The following GRID1 variants were observed in gnomAD, a reference collection of about 807,000 sequenced individuals.
GRID1 encodes glutamate receptor ionotropic, delta-1.
GRID1 carries 28 observed loss-of-function variants against 98.0 expected under a neutral mutation model. That is an observed-to-expected ratio of 0.29 (90% confidence interval 0.21 to 0.39). GRID1 has a LOEUF of 0.39. Among genes scored for constraint, GRID1 ranks in the 10% least tolerant of loss-of-function variants. The pLI is 1.00. For synonymous variants in GRID1, 553 were observed against 538.5 expected (o/e 1.03, Z -0.37); for missense variants, 1,111 against 1,340.5 (o/e 0.83, Z 2.67).
At position 86,284,895 on chromosome 10, in the gene GRID1, C is replaced by A. The variant is rs566953635; in HGVS notation, c.236-78247G>T. 2.0e-5 allele frequency among the ~76,000 whole-genome samples: 3 copies of A among 152,294 alleles called. No individual in the cohort carries two copies. In the South Asian group the frequency reaches 6.2e-4, roughly 32 times the overall value. On this transcript the variant is annotated intron_variant, in intron 2 of 15. Coordinates refer to ENST00000327946, the MANE Select transcript of GRID1 (RefSeq NM_017551.3). The stretch of plus-strand genomic sequence containing the variant: ...CTGTGGCCACTCAGGTCTGGCTCTA[C>A]CCTGGTCTGCAGAGTGGTTCAGGAC...
intron 12 of GRID1, among the ~76,000 whole-genome samples, chr10:85,673,707 A>T (rs1045452280): frequency 1.6e-4 from 25 of 152,268 alleles, no homozygotes; most frequent in African/African-American, 4.6e-4. Flanking sequence ...AGACTACAGT[A>T]TAATATAAAC....
chr10:85,705,488 T>C (rs4597016), intron 12 of GRID1, among the ~76,000 whole-genome samples: 78,095 of 151,856 alleles, frequency 0.51, 20,500 homozygotes, highest in Middle Eastern at 0.61. Flanking sequence ...CCAAAAAAAG[T>C]CCAGGACCAG....
In GRID1 at chr10:85,728,015, C is replaced by T. The variant is rs1185313307; in HGVS notation, c.1373G>A (p.Gly458Glu). 5.0e-6 allele frequency: 8 copies of T among 1,613,764 alleles called. No individual in the cohort carries two copies. The highest frequency in any genetic ancestry group is 6.8e-6 in the Non-Finnish European group (8 of 1,179,746). ...GAACCCTTTGTAGCGCTTGGGCTGT[C>T]CTAGGATGTTCTCAGCCACCATCAC... ...PFVMVAENIL[G>E]QPKRYKGFSI... The change falls in exon 10 of 16, where the codon GGA becomes GAA. Residue 458 changes from glycine (G) to glutamate (E), a missense_variant. Gly to Glu is a moderately conservative substitution (Grantham distance 98). This residue lies in a region of GRID1 where 762 missense variants were observed against 869.1 expected (regional missense o/e 0.88). Transcript: ENST00000327946.
Position 85,728,021 on chromosome 10 carries a change from A to G in GRID1, c.1367T>C (p.Ile456Thr). 6.2e-7 allele frequency: 1 copy of G among 1,613,668 alleles called. No homozygotes were observed. The highest frequency in any genetic ancestry group is 8.5e-7 in the Non-Finnish European group (1 of 1,179,650). ...TTTGTAGCGCTTGGGCTGTCCTAGG[A>G]TGTTCTCAGCCACCATCACGAAAGG... ...EEPFVMVAEN[I>T]LGQPKRYKGF... The change falls in exon 10 of 16, where the codon ATC (isoleucine) becomes ACC (threonine). Residue 456 changes from isoleucine to threonine, a missense_variant. This residue lies in a region of GRID1 where 762 missense variants were observed against 869.1 expected (regional missense o/e 0.88). Transcript: ENST00000327946.
At chr10:86,044,861 G>A (rs946137220) in intron 4 of GRID1, among the ~76,000 whole-genome samples, 48 of 152,272 alleles carry the variant, frequency 3.2e-4, no homozygotes, top group African/African-American at 6.5e-4. Context: ...GTAGACTGCC[G>A]AACTGGATGC....
At chr10:86,054,245 C>T (rs900258130) in intron 4 of GRID1, among the ~76,000 whole-genome samples, 10 of 145,708 alleles carry the variant, frequency 6.9e-5, no homozygotes, top group East Asian at 4.5e-4. Flanking sequence ...TCTGTCTACT[C>T]GAGTTGGGGC....
At chr10:86,196,574 C>T (rs533291728) in intron 3 of GRID1, among the ~76,000 whole-genome samples, 1 of 152,258 alleles carries the variant, frequency 6.6e-6, no homozygotes, top group Non-Finnish European at 1.5e-5. Context: ...AGTCTTCCAA[C>T]ACAAGCCAGG....
At chr10:86,300,676 T>C (rs60300201) in intron 2 of GRID1, among the ~76,000 whole-genome samples, 11,125 of 152,140 alleles carry the variant, frequency 0.073, 1,129 homozygotes, top group African/African-American at 0.24. Context: ...TAGGTCCACC[T>C]GAGCTATCCA....
intron 2 of GRID1, among the ~76,000 whole-genome samples, chr10:86,312,757 C>T (rs1285012258): frequency 6.6e-6 from 1 of 152,226 alleles, no homozygotes; most frequent in Non-Finnish European, 1.5e-5. Flanking sequence ...CCAGGGGATG[C>T]CATCCACATA....
chr10:86,096,851 C>T (rs1844227787), intron 4 of GRID1, among the ~76,000 whole-genome samples: 1 of 152,326 alleles, frequency 6.6e-6, no homozygotes, highest in South Asian at 2.1e-4. Flanking sequence ...GTATGTGGTA[C>T]TGTTTCTTCC....
intron 2 of GRID1, among the ~76,000 whole-genome samples, chr10:86,212,703 A>C (rs1846124011): frequency 6.6e-6 from 1 of 152,242 alleles, no homozygotes; most frequent in Non-Finnish European, 1.5e-5. Context: ...TCTTCCTTTA[A>C]ATGGGAAACA....
intron 8 of GRID1, among the ~76,000 whole-genome samples, chr10:85,827,719 A>T (rs1329036371): frequency 6.6e-6 from 1 of 152,196 alleles, no homozygotes; most frequent in Non-Finnish European, 1.5e-5. Flanking sequence ...CATAAATGGT[A>T]AGGGGTTCGA....
At chr10:86,036,671 TGA>T (rs767221484) in intron 4 of GRID1, among the ~76,000 whole-genome samples, 1 of 152,268 alleles carries the variant, frequency 6.6e-6, no homozygotes, top group African/African-American at 2.4e-5. Context: ...TGCAGCACGG[TGA>T]GAGTGTCCAC....
chr10:85,726,579 A>G (rs1206716221), intron 10 of GRID1, among the ~76,000 whole-genome samples: 1 of 152,182 alleles, frequency 6.6e-6, no homozygotes, highest in African/African-American at 2.4e-5. Flanking sequence ...CTGGCCACCC[A>G]TAGAGGACGC....
intron 4 of GRID1, among the ~76,000 whole-genome samples, chr10:86,032,580 T>C (rs1348280708): frequency 6.6e-6 from 1 of 152,148 alleles, no homozygotes; most frequent in African/African-American, 2.4e-5. Flanking sequence ...TTAAATGGAT[T>C]AAGGGCGGTG....
intron 4 of GRID1, among the ~76,000 whole-genome samples, chr10:86,012,692 G>A (rs886146498): frequency 6.6e-6 from 1 of 151,980 alleles, no homozygotes; most frequent in Non-Finnish European, 1.5e-5. Context: ...GAATAGGACT[G>A]GGGCTCTTTT....
At chr10:86,020,013 G>A (rs922008228) in intron 4 of GRID1, among the ~76,000 whole-genome samples, 2 of 152,204 alleles carry the variant, frequency 1.3e-5, no homozygotes, top group African/African-American at 4.8e-5. Context: ...ACTTACCATG[G>A]GGAAAACCAT....
chr10:86,121,153 A>G (rs1347723245), intron 4 of GRID1, among the ~76,000 whole-genome samples: 2 of 152,194 alleles, frequency 1.3e-5, no homozygotes, highest in Non-Finnish European at 2.9e-5. Flanking sequence ...TAAGTCAGGG[A>G]GGGGAAGCTG....
At chr10:85,864,642 T>C (rs960838584) in intron 6 of GRID1, among the ~76,000 whole-genome samples, 2 of 152,156 alleles carry the variant, frequency 1.3e-5, no homozygotes, top group Admixed American at 6.5e-5. Context: ...GACAAGCTTC[T>C]ACCAACAGGT....
Sources: gnomAD v4.1 joint callset for allele counts (sites outside exome capture counted in the v4.1 genomes callset) on GRCh38, gnomAD v4.1.1 for gene constraint, gnomAD v4.1.1 regional missense constraint, MANE v1.5 for transcripts, NCBI Gene and HGNC (gene_info 2026-07-23, HGNC 2026-07-21) for gene names.